Variants in CELF1 observed in about 807,000 individuals in gnomAD.
The protein encoded by CELF1 is 50 kDa nuclear polyadenylated RNA-binding protein.
A neutral mutation model predicts 61.8 loss-of-function variants in CELF1; 10 were observed. That is an observed-to-expected ratio of 0.16 (90% CI 0.10 to 0.27). The LOEUF is 0.27. CELF1 is among the 10% of genes least tolerant of loss of function. CELF1 has a pLI of 1.00. For synonymous variants in CELF1, 236 were observed against 225.1 expected (o/e 1.05, Z -0.43); for missense variants, 380 against 639.1 (o/e 0.59, Z 4.37).
chr11:47,502,026 G>A (rs536027954), intron 1 of CELF1, among the ~76,000 whole-genome samples: 103 of 152,290 alleles, frequency 6.8e-4, no homozygotes, highest in Middle Eastern at 3.4e-3. Flanking sequence ...TGTATGAAAA[G>A]ATGTGCTCTC....
intron 1 of CELF1, among the ~76,000 whole-genome samples, chr11:47,552,410 G>A (rs1292589401): frequency 6.6e-6 from 1 of 152,236 alleles, no homozygotes; most frequent in Non-Finnish European, 1.5e-5. Context: ...CGAGATTCCT[G>A]CCCAGCTACT....
chr11:47,558,585 A>T (rs1327210033), intron 2 of CELF1, among the ~76,000 whole-genome samples: 244 of 101,648 alleles, frequency 2.4e-3, no homozygotes, highest in Non-Finnish European at 2.9e-3. Context: ...ATATATATAT[A>T]TATTTATATT....
chr11:47,520,525 A>G (rs1028941427), intron 1 of CELF1, among the ~76,000 whole-genome samples: 2 of 152,306 alleles, frequency 1.3e-5, no homozygotes, highest in Admixed American at 6.5e-5. Context: ...GTAAAGAAGC[A>G]GGCCAGGCAC....
At chr11:47,558,748 AAT>A (rs1158171912) in intron 2 of CELF1, among the ~76,000 whole-genome samples, 9 of 114,484 alleles carry the variant, frequency 7.9e-5, no homozygotes, top group Middle Eastern at 0.017. Flanking sequence ...TTGTATATAT[AAT>A]ATATATAATA....
At chr11:47,490,962 A>C (rs1194391771) in intron 3 of CELF1, among the ~76,000 whole-genome samples, 1 of 151,134 alleles carries the variant, frequency 6.6e-6, no homozygotes, top group Non-Finnish European at 1.5e-5. Flanking sequence ...CCTAGGTTCA[A>C]GTGATTTTCC....
At chr11:47,558,712 A>AATATATGACATAT (rs2097215884) in intron 2 of CELF1, among the ~76,000 whole-genome samples, 1 of 114,774 alleles carries the variant, frequency 8.7e-6, no homozygotes, top group African/African-American at 3.5e-5. Flanking sequence ...CATAATATAT[A>AATATATGACATAT]ATATTATGAC....
At chr11:47,482,896 C>G (rs757168962) in intron 8 of CELF1, 40 bp from the exon 9 acceptor site, 1 of 1,576,730 alleles carries the variant, frequency 6.3e-7, no homozygotes, top group Non-Finnish European at 8.6e-7. Flanking sequence ...ATTCCTCCAT[C>G]TGAAAAGAAG....
chr11:47,539,539 T>C (rs556126193), intron 1 of CELF1, among the ~76,000 whole-genome samples: 12 of 152,254 alleles, frequency 7.9e-5, no homozygotes, highest in Admixed American at 5.2e-4. Context: ...ACACCTGTAA[T>C]CCCAGCTACT....
chr11:47,547,165 C>CAGTG (rs2096983512), intron 1 of CELF1, among the ~76,000 whole-genome samples: 1 of 138,922 alleles, frequency 7.2e-6, no homozygotes, highest in African/African-American at 2.7e-5. Context: ...ATGCTATAAA[C>CAGTG]AGTGATTTGG....
chr11:47,549,261 A>C (rs2153752884), intron 1 of CELF1, among the ~76,000 whole-genome samples: 1 of 152,366 alleles, frequency 6.6e-6, no homozygotes, highest in South Asian at 2.1e-4. Flanking sequence ...AGATTCTTTC[A>C]AAATAATAAA....
intron 1 of CELF1, among the ~76,000 whole-genome samples, chr11:47,545,219 C>G (rs981401525): frequency 6.6e-6 from 1 of 152,014 alleles, no homozygotes; most frequent in Non-Finnish European, 1.5e-5. Flanking sequence ...CACCTGAGGT[C>G]GGGAATTCGA....
intron 1 of CELF1, among the ~76,000 whole-genome samples, chr11:47,549,843 G>A (rs1270332809): frequency 4.7e-5 from 7 of 149,952 alleles, no homozygotes; most frequent in Non-Finnish European, 1.0e-4. Flanking sequence ...CTGAGACAGA[G>A]TCTTGCCTTG....
intron 1 of CELF1, among the ~76,000 whole-genome samples, chr11:47,532,102 C>A (rs1404865639): frequency 6.6e-6 from 1 of 151,858 alleles, no homozygotes; most frequent in Non-Finnish European, 1.5e-5. Flanking sequence ...GCAATCTCAA[C>A]TCACTGCAAC....
rs892269368 is a variant in CELF1, at chr11:47,472,184, C to A, written c.*46G>T. On this transcript the variant is annotated 3_prime_UTR_variant, in exon 15 of 15. Transcript: ENST00000687097. ...CGAATCATTAAGGGTGCTCCTCCCC[C>A]ACTTACCAGAAGACCCTCTCACTCC... The A allele has an allele frequency of 4.4e-6, 7 of 1,606,970 alleles. No homozygotes were observed. Among genetic ancestry groups the A allele is most frequent in the Non-Finnish European group, 6.0e-6 (7 of 1,175,572 alleles).
At chr11:47,499,636 A>G (rs2093645282) in intron 2 of CELF1, 32 bp from the exon 3 acceptor site, 1 of 791,542 alleles carries the variant, frequency 1.3e-6, no homozygotes, top group Non-Finnish European at 2.1e-6. Flanking sequence ...AAGTGGAAAC[A>G]GGAGCTCAGG....
At chr11:47,560,190 C>A (rs1441535167) in intron 2 of CELF1, among the ~76,000 whole-genome samples, 2 of 152,086 alleles carry the variant, frequency 1.3e-5, no homozygotes, top group African/African-American at 4.8e-5. Context: ...ACTGGGGAGG[C>A]TGAGGTGGGA....
At chr11:47,563,852 C>T (rs1161378910) in intron 2 of CELF1, among the ~76,000 whole-genome samples, 22 of 151,706 alleles carry the variant, frequency 1.5e-4, no homozygotes, top group Non-Finnish European at 4.4e-5. Flanking sequence ...GAAACCCTGT[C>T]TCTACTAAAA....
intron 1 of CELF1, among the ~76,000 whole-genome samples, chr11:47,528,793 G>A (rs57742476): frequency 6.6e-6 from 1 of 151,666 alleles, no homozygotes; most frequent in Non-Finnish European, 1.5e-5. Flanking sequence ...AGGAGGCTGA[G>A]GCAGGAGGAT....
chr11:47,505,071 T>C (rs776783358), intron 1 of CELF1, among the ~76,000 whole-genome samples: 2 of 151,098 alleles, frequency 1.3e-5, no homozygotes, highest in Admixed American at 6.7e-5. Flanking sequence ...GAAAAAGTTT[T>C]CCATTTCCTC....
Sources: allele counts gnomAD v4.1 joint callset (sites outside exome capture counted in the v4.1 genomes callset), GRCh38; gene constraint gnomAD v4.1.1; transcripts MANE v1.5; gene names NCBI Gene and HGNC (gene_info 2026-07-23, HGNC 2026-07-21).